Variants in ATRNL1 observed in about 807,000 individuals in gnomAD.
ATRNL1 encodes attractin like 1.
Under a neutral mutation model 182.7 loss-of-function variants are expected in ATRNL1, and 95 were observed. That is an observed-to-expected ratio of 0.52 (90% CI 0.44 to 0.62). The LOEUF is 0.62. Ranked by LOEUF, ATRNL1 falls within the 20% of genes least tolerant of loss-of-function variation. The pLI is 0.00. For missense variants in ATRNL1, 1,471 were observed against 1,679.5 expected (o/e 0.88, Z 2.17); for synonymous variants, 576 against 568.3 (o/e 1.01, Z -0.19).
At chr10:115,730,690 CTAT>C (rs1947771451) in intron 27 of ATRNL1, among the ~76,000 whole-genome samples, 1 of 152,076 alleles carries the variant, frequency 6.6e-6, no homozygotes, top group South Asian at 2.1e-4. Flanking sequence ...GCTTTTATAG[CTAT>C]GGGATTTCTT....
chr10:115,919,983 T>C (rs1952999217), intron 28 of ATRNL1, among the ~76,000 whole-genome samples: 1 of 152,188 alleles, frequency 6.6e-6, no homozygotes, highest in Non-Finnish European at 1.5e-5. Flanking sequence ...GGCTAAGATT[T>C]CAACACGTGG....
chr10:115,738,715 G>T (rs1361981426), intron 27 of ATRNL1, among the ~76,000 whole-genome samples: 4 of 151,942 alleles, frequency 2.6e-5, no homozygotes, highest in African/African-American at 9.7e-5. Flanking sequence ...TTAAGTAATG[G>T]TGCTTCTTCA....
At chr10:115,677,891 A>G (rs1189012862) in intron 26 of ATRNL1, among the ~76,000 whole-genome samples, 1 of 152,024 alleles carries the variant, frequency 6.6e-6, no homozygotes, top group Non-Finnish European at 1.5e-5. Flanking sequence ...CCCAGGTGCT[A>G]TCTATAGCCT....
At chr10:115,878,106 C>A (rs1951740056) in intron 28 of ATRNL1, among the ~76,000 whole-genome samples, 1 of 152,228 alleles carries the variant, frequency 6.6e-6, no homozygotes, top group Non-Finnish European at 1.5e-5. Context: ...TAGGGCTCTG[C>A]AGATCTAGTT....
At chr10:115,849,810 T>G (rs1358871211) in intron 28 of ATRNL1, among the ~76,000 whole-genome samples, 1 of 152,146 alleles carries the variant, frequency 6.6e-6, no homozygotes, top group Non-Finnish European at 1.5e-5. Context: ...AAATACTTAC[T>G]GCTAGCATTC....
In ATRNL1 at chr10:115,394,559, G is replaced by A. The variant is rs1445346241; in HGVS notation, c.3176-100G>A. On this transcript the variant is annotated intron_variant, in intron 19 of 28. Coordinates refer to ENST00000355044, the MANE Select transcript of ATRNL1 (RefSeq NM_207303.4). Reference sequence around the variant, plus strand: ...CTTAGTTTTTGGATGGCAAGAGGAAGTTACAGGACATAAAAATAAGGTAAT... The same window carrying A: ...CTTAGTTTTTGGATGGCAAGAGGAAATTACAGGACATAAAAATAAGGTAAT... The A allele has an allele frequency of 9.0e-6, 8 of 890,334 alleles. No homozygotes were observed. The African/African-American group carries it at 1.0e-4, about 11-fold the overall frequency. The allele number at this position is 890,334 out of a possible 1,614,324, so 55.2% of individuals were successfully genotyped here. A position where few individuals can be genotyped will look rare whatever the true frequency, so the allele number is the denominator to read the frequency against.
At chr10:115,297,937 T>C (rs1853287594) in intron 15 of ATRNL1, among the ~76,000 whole-genome samples, 1 of 152,160 alleles carries the variant, frequency 6.6e-6, no homozygotes, top group Admixed American at 6.5e-5. Context: ...ATTGAACTAA[T>C]AATTATTTTG....
At position 115,725,083 on chromosome 10, in the gene ATRNL1, C is replaced by T. The variant is rs183271959; in HGVS notation, c.3796-2165C>T. ...CACTATATTGTGCCCTAATTATTTC[C>T]ATTTTACCAGATTTGCTTTACAAAC... On this transcript the variant is annotated intron_variant, in intron 26 of 28. Coordinates refer to ENST00000355044, the MANE Select transcript of ATRNL1 (RefSeq NM_207303.4). 1.8e-3 allele frequency among the ~76,000 whole-genome samples: 279 copies of T among 152,190 alleles called. 2 individuals are homozygous for T. The highest frequency in any genetic ancestry group is 6.4e-3 in the African/African-American group (265 of 41,508).
intron 26 of ATRNL1, among the ~76,000 whole-genome samples, chr10:115,708,495 T>C (rs1324861250): frequency 1.3e-5 from 2 of 151,804 alleles, no homozygotes; most frequent in Non-Finnish European, 3.0e-5. Flanking sequence ...TGAAAATTTA[T>C]AAACTCTTTC....
chr10:115,323,279 T>A (rs1275747249), intron 18 of ATRNL1, among the ~76,000 whole-genome samples: 1 of 152,168 alleles, frequency 6.6e-6, no homozygotes, highest in Admixed American at 6.5e-5. Context: ...TGAATTCTTC[T>A]AGTGTATGTT....
chr10:115,442,790 T>C (rs188889441), intron 21 of ATRNL1, among the ~76,000 whole-genome samples: 1 of 152,230 alleles, frequency 6.6e-6, no homozygotes, highest in Non-Finnish European at 1.5e-5. Context: ...ATTAATAGAA[T>C]GCAAACTCCA....
At chr10:115,244,560 T>C (rs888827538) in intron 10 of ATRNL1, among the ~76,000 whole-genome samples, 7 of 152,204 alleles carry the variant, frequency 4.6e-5, no homozygotes, top group Non-Finnish European at 1.0e-4. Context: ...ATAAGATAGG[T>C]TGAGTATAAC....
intron 24 of ATRNL1, among the ~76,000 whole-genome samples, chr10:115,481,512 A>T (rs1010969426): frequency 4.0e-5 from 6 of 150,868 alleles, no homozygotes; most frequent in South Asian, 2.1e-4. Flanking sequence ...CTAAATTTTT[A>T]TAAATGAACA....
intron 1 of ATRNL1, among the ~76,000 whole-genome samples, chr10:115,100,809 C>G (rs1239880404): frequency 6.6e-6 from 1 of 152,082 alleles, no homozygotes; most frequent in African/African-American, 2.4e-5. Context: ...TATGTTGAGT[C>G]TATAGATCAA....
At chr10:115,530,337 A>G (rs932632125) in intron 25 of ATRNL1, among the ~76,000 whole-genome samples, 7 of 152,162 alleles carry the variant, frequency 4.6e-5, no homozygotes, top group Non-Finnish European at 1.0e-4. Context: ...TTATAATCTT[A>G]CCAGCAAGGA....
chr10:115,903,301 C>T (rs1952408621), intron 28 of ATRNL1, among the ~76,000 whole-genome samples: 1 of 152,156 alleles, frequency 6.6e-6, no homozygotes. Flanking sequence ...TTCTGAGTAA[C>T]AAACCTCTCC....
chr10:115,633,179 G>C (rs1555026982), intron 26 of ATRNL1, among the ~76,000 whole-genome samples: 1 of 152,140 alleles, frequency 6.6e-6, no homozygotes, highest in African/African-American at 2.4e-5. Context: ...CCAAAGTGCT[G>C]GGATTACAGG....
At chr10:115,389,561 T>TATGTAC (rs1843891056) in intron 19 of ATRNL1, among the ~76,000 whole-genome samples, 1 of 104,794 alleles carries the variant, frequency 9.5e-6, no homozygotes, top group African/African-American at 3.6e-5. Context: ...TATATATATA[T>TATGTAC]ATATATATAT....
chr10:115,348,056 C>G (rs1856055589), intron 19 of ATRNL1, among the ~76,000 whole-genome samples: 1 of 152,138 alleles, frequency 6.6e-6, no homozygotes, highest in South Asian at 2.1e-4. Flanking sequence ...TCACTGCAAC[C>G]CCAGCCTCCC....
Sources: allele counts gnomAD v4.1 joint callset (sites outside exome capture counted in the v4.1 genomes callset), GRCh38; gene constraint gnomAD v4.1.1; transcripts MANE v1.5; gene names NCBI Gene and HGNC (gene_info 2026-07-23, HGNC 2026-07-21).